Variants in RGS7 observed in about 807,000 individuals in gnomAD.
RGS7 encodes the protein regulator of G-protein signaling 7.
A neutral mutation model predicts 81.1 loss-of-function variants in RGS7; 27 were observed. The observed-to-expected ratio is 0.33, with a 90% CI of 0.25 to 0.46. The LOEUF is 0.46. RGS7 is among the 20% of genes least tolerant of loss of function. The probability of loss-of-function intolerance (pLI) is 1.00; values close to 1 mark genes in which losing one functional copy is unlikely to be tolerated. For missense variants in RGS7, 396 were observed against 607.4 expected (o/e 0.65, Z 3.66); for synonymous variants, 208 against 207.7 (o/e 1.00, Z -0.01).
intron 5 of RGS7, among the ~76,000 whole-genome samples, chr1:240,932,539 C>T (rs1675646753): frequency 8.7e-6 from 1 of 115,504 alleles, no homozygotes. Flanking sequence ...GACAGGGTCT[C>T]ACTCTGTTGC....
At chr1:241,207,029 T>C (rs1415105445) in intron 2 of RGS7, among the ~76,000 whole-genome samples, 8 of 133,014 alleles carry the variant, frequency 6.0e-5, no homozygotes, top group Admixed American at 1.7e-4. Context: ...AGTGCAGTGG[T>C]GCGATCTGGG....
At chr1:241,192,646 G>A (rs530638266) in intron 2 of RGS7, among the ~76,000 whole-genome samples, 5 of 152,116 alleles carry the variant, frequency 3.3e-5, no homozygotes, top group African/African-American at 7.2e-5. Flanking sequence ...ATTCCTTTTC[G>A]TGACATTTTT....
chr1:240,799,827 A>G (rs1687742408), intron 18 of RGS7, among the ~76,000 whole-genome samples: 2 of 152,164 alleles, frequency 1.3e-5, no homozygotes, highest in African/African-American at 4.8e-5. Context: ...GTGAATTTTG[A>G]TTGAAGGTGT....
chr1:240,931,817 T>C (rs1026031234), intron 5 of RGS7, among the ~76,000 whole-genome samples: 1 of 152,286 alleles, frequency 6.6e-6, no homozygotes, highest in East Asian at 1.9e-4. Context: ...GAAACTTTAT[T>C]ATTATCATTA....
At chr1:241,007,859 A>G (rs1373292189) in intron 3 of RGS7, among the ~76,000 whole-genome samples, 1 of 152,186 alleles carries the variant, frequency 6.6e-6, no homozygotes, top group African/African-American at 2.4e-5. Context: ...AAGGCGCTGC[A>G]TCTTGTACCT....
chr1:240,904,122 T>A (rs1000926780), intron 6 of RGS7, among the ~76,000 whole-genome samples: 5 of 152,204 alleles, frequency 3.3e-5, no homozygotes, highest in African/African-American at 1.2e-4. Context: ...AAATTTTAAG[T>A]TTTGGCTTCT....
chr1:240,976,868 C>CATCTATCT (rs3044721), intron 4 of RGS7, among the ~76,000 whole-genome samples: 91 of 150,846 alleles, frequency 6.0e-4, no homozygotes, highest in African/African-American at 2.2e-3. Flanking sequence ...TACCATCCAT[C>CATCTATCT]ATCTATCTGT....
intron 3 of RGS7, among the ~76,000 whole-genome samples, chr1:241,065,208 G>GAT (rs34863622): frequency 6.9e-6 from 1 of 144,948 alleles, no homozygotes; most frequent in Non-Finnish European, 1.5e-5. Context: ...ATATCATAGA[G>GAT]ATATATATAT....
intron 6 of RGS7, among the ~76,000 whole-genome samples, chr1:240,919,124 A>G (rs1673075786): frequency 6.6e-6 from 1 of 152,300 alleles, no homozygotes; most frequent in Admixed American, 6.5e-5. Flanking sequence ...CACCAAGCCC[A>G]GATAACTTCA....
intron 18 of RGS7, among the ~76,000 whole-genome samples, chr1:240,789,278 T>G (rs561470305): frequency 6.6e-6 from 1 of 152,182 alleles, no homozygotes; most frequent in African/African-American, 2.4e-5. Context: ...CTGAGGAGGA[T>G]GTATGTCGCC....
chr1:241,237,022 G>T (rs769086523), intron 2 of RGS7, among the ~76,000 whole-genome samples: 1 of 152,202 alleles, frequency 6.6e-6, no homozygotes, highest in Non-Finnish European at 1.5e-5. Flanking sequence ...CTTGTTAATG[G>T]TCTTCGGAGA....
At chr1:241,259,667 A>AAAAATATATATATATATAT in intron 2 of RGS7, among the ~76,000 whole-genome samples, 1 of 49,142 alleles carries the variant, frequency 2.0e-5, no homozygotes, top group African/African-American at 7.9e-5. Flanking sequence ...AAAAAAAAAA[A>AAAAATATATATATATATAT]ATATATATAT....
rs2072295554 is a variant in RGS7 at position 241,188,223 on chromosome 1, G to C, written c.79-89461C>G. 2.0e-5 allele frequency among the ~76,000 whole-genome samples: 3 copies of C among 151,822 alleles called. No individual in the cohort carries two copies. In the South Asian group the frequency reaches 6.2e-4, roughly 31 times the overall value. On this transcript the variant is annotated intron_variant, in intron 2 of 18. Transcript: ENST00000440928. ...CCATAAATATATACAATTATTATGT[G>C]TCAATAATGAAAAAAAGTTAGAGTT...
chr1:241,125,996 G>C (rs2066632175), intron 2 of RGS7, among the ~76,000 whole-genome samples: 1 of 152,172 alleles, frequency 6.6e-6, no homozygotes, highest in Non-Finnish European at 1.5e-5. Flanking sequence ...AGGGAGCACA[G>C]AGAAGAAGCT....
chr1:241,238,233 G>A (rs900065440), intron 2 of RGS7, among the ~76,000 whole-genome samples: 1 of 152,170 alleles, frequency 6.6e-6, no homozygotes, highest in African/African-American at 2.4e-5. Flanking sequence ...GCATGTGTGT[G>A]TGTACATGCA....
At chr1:241,109,607 A>G (rs1001498805) in intron 2 of RGS7, among the ~76,000 whole-genome samples, 5 of 152,128 alleles carry the variant, frequency 3.3e-5, no homozygotes, top group Non-Finnish European at 5.9e-5. Context: ...CTGTGTTTGT[A>G]TGTTCACCAA....
In RGS7 at chr1:240,916,213, G is replaced by T. The variant is rs556761988; in HGVS notation, c.385+14504C>A. Among the ~76,000 whole-genome samples, 41 of 150,548 alleles carry T rather than the reference G, an allele frequency of 2.7e-4. 1 individual carries two copies. The South Asian group carries it at 7.6e-3, about 28-fold the overall frequency. On this transcript the variant is annotated intron_variant, in intron 6 of 18. Transcript: ENST00000440928. Reference sequence around the variant, plus strand: ...AATTGCTTGAACTCAGGAGGCAGAGGTTGCAGTGAGCCAAGATCATGCCAT... The same window carrying T: ...AATTGCTTGAACTCAGGAGGCAGAGTTTGCAGTGAGCCAAGATCATGCCAT...
chr1:240,999,509 A>G lies in RGS7; in HGVS notation c.176-16380T>C, dbSNP rs566435760. 7.2e-5 allele frequency among the ~76,000 whole-genome samples: 11 copies of G among 152,310 alleles called. No homozygotes were observed. The South Asian group carries it at 2.1e-3, about 29-fold the overall frequency. ...CTTCAAAATCTTTGTAAGCTAATCT[A>G]TTAACTCTGTCATCTCAATCTTGAC... On this transcript the variant is annotated intron_variant, in intron 3 of 18. Transcript: ENST00000440928.
intron 3 of RGS7, among the ~76,000 whole-genome samples, chr1:241,068,604 G>A (rs943569185): frequency 6.6e-6 from 1 of 152,054 alleles, no homozygotes; most frequent in African/African-American, 2.4e-5. Context: ...CTTGATCAAG[G>A]GAGTGTGGCA....
Sources: gnomAD v4.1 joint callset for allele counts (sites outside exome capture counted in the v4.1 genomes callset) on GRCh38, gnomAD v4.1.1 for gene constraint, MANE v1.5 for transcripts, NCBI Gene and HGNC (gene_info 2026-07-23, HGNC 2026-07-21) for gene names.